CCDC178: variants seen among roughly 807,000 people sequenced by gnomAD.
CCDC178 encodes coiled-coil domain containing 178.
CCDC178 carries 126 observed loss-of-function variants against 117.4 expected under a neutral mutation model. The ratio of observed to expected loss-of-function variants is 1.07; its 90% CI spans 0.93 to 1.24. CCDC178 has a LOEUF of 1.24. Ranked by LOEUF, CCDC178 falls within the 50% of genes most tolerant of loss-of-function variation. CCDC178 has a pLI of 0.00. For synonymous variants in CCDC178, 283 were observed against 313.4 expected, an observed-to-expected ratio of 0.90 and a Z score of 1.02; for missense variants, 1,030 against 986.9, an observed-to-expected ratio of 1.04 and a Z score of -0.59.
intron 20 of CCDC178, among the ~76,000 whole-genome samples, chr18:33,146,636 G>C (rs1798874504): frequency 1.3e-5 from 2 of 152,192 alleles, no homozygotes; most frequent in African/African-American, 4.8e-5. Flanking sequence ...GGGTGACAGA[G>C]TGAGACCTTG....
At chr18:33,114,792 A>G (rs544873584) in intron 20 of CCDC178, among the ~76,000 whole-genome samples, 3 of 152,094 alleles carry the variant, frequency 2.0e-5, no homozygotes, top group Non-Finnish European at 4.4e-5. Flanking sequence ...TTCTAATAGG[A>G]CAGACCACCT....
chr18:33,080,166 T>C (rs1362577005), intron 21 of CCDC178, among the ~76,000 whole-genome samples: 2 of 152,050 alleles, frequency 1.3e-5, no homozygotes, highest in Non-Finnish European at 2.9e-5. Flanking sequence ...TAACAACTAA[T>C]GTAGGAACAG....
intron 2 of CCDC178, among the ~76,000 whole-genome samples, chr18:33,427,367 CT>C (rs1247744588): frequency 1.1e-4 from 16 of 151,952 alleles, no homozygotes; most frequent in African/African-American, 3.9e-4. Context: ...TCTTTACAAT[CT>C]TTTTTATTGT....
intron 22 of CCDC178, among the ~76,000 whole-genome samples, chr18:32,950,008 C>T (rs1444453680): frequency 6.6e-6 from 1 of 152,172 alleles, no homozygotes; most frequent in Non-Finnish European, 1.5e-5. Context: ...CCCAACTCTC[C>T]ACAAATCATA....
At chr18:33,074,611 C>T (rs916558099) in intron 21 of CCDC178, among the ~76,000 whole-genome samples, 10 of 152,100 alleles carry the variant, frequency 6.6e-5, no homozygotes, top group African/African-American at 2.4e-4. Context: ...AAGAGATATT[C>T]TGTCTAGTGT....
chr18:33,033,453 C>T (rs1305687027), intron 21 of CCDC178, among the ~76,000 whole-genome samples: 1 of 152,072 alleles, frequency 6.6e-6, no homozygotes, highest in African/African-American at 2.4e-5. Flanking sequence ...TGGCATCTGG[C>T]TTAAGGGGTG....
chr18:33,270,872 A>G (rs2059879642), intron 12 of CCDC178, among the ~76,000 whole-genome samples: 1 of 151,554 alleles, frequency 6.6e-6, no homozygotes, highest in African/African-American at 2.4e-5. Context: ...TCATTGCCTA[A>G]TTTAAAAGAC....
At position 33,385,015 on chromosome 18, in the gene CCDC178, G is replaced by A. The variant is rs866667890; in HGVS notation, c.208+4525C>T. On this transcript the variant is annotated intron_variant, in intron 5 of 22. Transcript: ENST00000383096. ...CATAGACTTGAAACAAAGGGAAGGA[G>A]GAAAATTTACCAAGCAAATTTGAAA... 3.9e-5 allele frequency among the ~76,000 whole-genome samples: 6 copies of A among 152,094 alleles called. No homozygotes were observed. In the South Asian group the frequency reaches 1.2e-3, roughly 31 times the overall value.
chr18:33,272,105 A>G (rs2059898108), intron 12 of CCDC178, among the ~76,000 whole-genome samples: 1 of 151,470 alleles, frequency 6.6e-6, no homozygotes, highest in Admixed American at 6.6e-5. Flanking sequence ...AAAAGTGGAG[A>G]GAATCAACAA....
At chr18:33,423,582 A>AT (rs1555702604) in intron 2 of CCDC178, among the ~76,000 whole-genome samples, 1 of 152,174 alleles carries the variant, frequency 6.6e-6, no homozygotes, top group East Asian at 1.9e-4. Flanking sequence ...TTCTTTGTGT[A>AT]TAGCACTAGA....
chr18:33,255,288 C>G (rs1271808803), intron 14 of CCDC178, among the ~76,000 whole-genome samples: 3 of 151,974 alleles, frequency 2.0e-5, no homozygotes, highest in Non-Finnish European at 4.4e-5. Flanking sequence ...TATAGTAACA[C>G]AAAACAGACT....
intron 12 of CCDC178, among the ~76,000 whole-genome samples, chr18:33,291,268 G>T (rs2060163071): frequency 6.6e-6 from 1 of 152,006 alleles, no homozygotes; most frequent in Admixed American, 6.6e-5. Context: ...CTCTTCATCA[G>T]AAGTTACCAT....
intron 2 of CCDC178, among the ~76,000 whole-genome samples, chr18:33,421,612 G>A (rs547563322): frequency 1.3e-5 from 2 of 152,202 alleles, no homozygotes; most frequent in Non-Finnish European, 2.9e-5. Context: ...ACCACGACCA[G>A]AGAAAGATGC....
intron 21 of CCDC178, among the ~76,000 whole-genome samples, chr18:33,072,109 G>A (rs2057119200): frequency 6.6e-6 from 1 of 152,038 alleles, no homozygotes; most frequent in South Asian, 2.1e-4. Flanking sequence ...TTATCATTAA[G>A]ATACTCCCTT....
At chr18:33,283,914 C>T (rs79983884) in intron 12 of CCDC178, among the ~76,000 whole-genome samples, 1 of 152,170 alleles carries the variant, frequency 6.6e-6, no homozygotes, top group Non-Finnish European at 1.5e-5. Context: ...GGTACATACC[C>T]AAAGGACTAT....
chr18:33,282,649 C>T (rs2060039352), intron 12 of CCDC178, among the ~76,000 whole-genome samples: 2 of 152,200 alleles, frequency 1.3e-5, no homozygotes, highest in African/African-American at 4.8e-5. Flanking sequence ...CTCCATACTT[C>T]AGCTTTCCCT....
intron 20 of CCDC178, among the ~76,000 whole-genome samples, chr18:33,176,679 C>A (rs1168365879): frequency 2.0e-5 from 3 of 152,114 alleles, no homozygotes; most frequent in African/African-American, 7.2e-5. Flanking sequence ...TCCTTAGATA[C>A]CAACTCTATC....
intron 20 of CCDC178, among the ~76,000 whole-genome samples, chr18:33,108,878 G>A (rs271439): frequency 0.16 from 24,276 of 151,608 alleles, 2,724 homozygotes; most frequent in African/African-American, 0.32. Context: ...AGTTAGAAAT[G>A]TTATCTGTGT....
chr18:33,432,324 C>CTA (rs10641797), intron 2 of CCDC178, among the ~76,000 whole-genome samples: 122,780 of 151,918 alleles, frequency 0.81, 49,833 homozygotes, highest in East Asian at 1. Flanking sequence ...CGTTTCTGGG[C>CTA]TGATCCATGC....
Sources: allele counts gnomAD v4.1 joint callset (sites outside exome capture counted in the v4.1 genomes callset), GRCh38; gene constraint gnomAD v4.1.1; transcripts MANE v1.5; gene names NCBI Gene and HGNC (gene_info 2026-07-23, HGNC 2026-07-21).